AGBL4: variants seen among roughly 807,000 people sequenced by gnomAD.
The protein encoded by AGBL4 is cytosolic carboxypeptidase 6.
In AGBL4, 58 loss-of-function variants were observed where a neutral mutation model predicts 66.4. The ratio of observed to expected loss-of-function variants is 0.87; its 90% confidence interval spans 0.71 to 1.09. The LOEUF is 1.09. Among genes scored for constraint, AGBL4 ranks in the 50% least tolerant of loss-of-function variants. AGBL4 has a pLI of 0.00. For missense variants in AGBL4, 579 were observed against 631.0 expected, an observed-to-expected ratio of 0.92 and a Z score of 0.88; for synonymous variants, 234 against 222.9, an observed-to-expected ratio of 1.05 and a Z score of -0.44.
At chr1:49,169,070 C>T (rs1387825145) in intron 4 of AGBL4, among the ~76,000 whole-genome samples, 3 of 152,200 alleles carry the variant, frequency 2.0e-5, no homozygotes, top group African/African-American at 7.2e-5. Context: ...TTTTGTCTCA[C>T]TCTTGGTGCC....
chr1:49,783,977 T>C (rs1644394780), intron 2 of AGBL4, among the ~76,000 whole-genome samples: 2 of 152,006 alleles, frequency 1.3e-5, no homozygotes, highest in South Asian at 2.1e-4. Flanking sequence ...CTACAAAATA[T>C]TGTGAAAAGT....
chr1:49,725,851 T>C (rs1421305917), intron 2 of AGBL4, among the ~76,000 whole-genome samples: 1 of 151,962 alleles, frequency 6.6e-6, no homozygotes, highest in Non-Finnish European at 1.5e-5. Flanking sequence ...TAAGAATATA[T>C]ATCCTTACTA....
intron 5 of AGBL4, among the ~76,000 whole-genome samples, chr1:48,918,672 G>A (rs1340498065): frequency 6.6e-6 from 1 of 152,160 alleles, no homozygotes; most frequent in Non-Finnish European, 1.5e-5. Flanking sequence ...ACCGAAACCT[G>A]ACCATGCTGG....
chr1:49,174,108 A>G (rs976729015), intron 4 of AGBL4, among the ~76,000 whole-genome samples: 4 of 152,182 alleles, frequency 2.6e-5, no homozygotes, highest in Non-Finnish European at 4.4e-5. Flanking sequence ...AAGTTTTTCT[A>G]TATCAGAGGG....
chr1:49,864,831 G>A (rs1034416687), intron 1 of AGBL4, among the ~76,000 whole-genome samples: 5 of 152,124 alleles, frequency 3.3e-5, no homozygotes, highest in African/African-American at 7.2e-5. Flanking sequence ...TCATCACTGC[G>A]GCTGCCTGCT....
At chr1:49,544,550 C>T (rs1486500018) in intron 3 of AGBL4, among the ~76,000 whole-genome samples, 5 of 152,156 alleles carry the variant, frequency 3.3e-5, no homozygotes, top group Admixed American at 3.3e-4. Context: ...AAATATTTAT[C>T]AAGCACTAGC....
intron 6 of AGBL4, among the ~76,000 whole-genome samples, chr1:48,771,945 G>A (rs948915464): frequency 2.6e-5 from 4 of 152,230 alleles, no homozygotes; most frequent in African/African-American, 7.2e-5. Context: ...AAAGTTGAAT[G>A]AAAACTTAAA....
intron 5 of AGBL4, among the ~76,000 whole-genome samples, chr1:48,910,273 G>C (rs1269148918): frequency 6.6e-6 from 1 of 152,174 alleles, no homozygotes; most frequent in Admixed American, 6.5e-5. Context: ...GACGTGAAAT[G>C]CGACTGAACC....
intron 3 of AGBL4, among the ~76,000 whole-genome samples, chr1:49,642,051 A>G (rs911179821): frequency 6.4e-5 from 5 of 78,524 alleles, no homozygotes; most frequent in East Asian, 6.3e-4. Flanking sequence ...GAATTTTACG[A>G]ATAGAAAACT....
intron 3 of AGBL4, among the ~76,000 whole-genome samples, chr1:49,366,140 C>T (rs753341351): frequency 2.0e-5 from 3 of 152,024 alleles, no homozygotes; most frequent in Non-Finnish European, 2.9e-5. Flanking sequence ...TGCTTCTAGG[C>T]GATTTCCCCT....
At chr1:48,804,555 A>G (rs962919985) in intron 6 of AGBL4, among the ~76,000 whole-genome samples, 1 of 152,194 alleles carries the variant, frequency 6.6e-6, no homozygotes, top group Non-Finnish European at 1.5e-5. Context: ...CTGACCATCC[A>G]TAACTGACAA....
intron 2 of AGBL4, among the ~76,000 whole-genome samples, chr1:49,715,384 A>G (rs151203678): frequency 0.015 from 2,335 of 152,166 alleles, 23 homozygotes; most frequent in Non-Finnish European, 0.023. Context: ...ATTTGGGTTG[A>G]TTCCAAGTCT....
intron 3 of AGBL4, among the ~76,000 whole-genome samples, chr1:49,523,868 T>C (rs1650452043): frequency 6.6e-6 from 1 of 152,062 alleles, no homozygotes; most frequent in South Asian, 2.1e-4. Flanking sequence ...GTCTTTCCAA[T>C]ATCTATACCC....
chr1:48,631,695 C>T (rs1346457747), intron 9 of AGBL4, among the ~76,000 whole-genome samples: 6 of 152,046 alleles, frequency 3.9e-5, no homozygotes, highest in African/African-American at 9.7e-5. Flanking sequence ...CATCTGGCCT[C>T]GCATCATTTT....
At chr1:49,951,082 T>C (rs1172397529) in intron 1 of AGBL4, among the ~76,000 whole-genome samples, 1 of 151,536 alleles carries the variant, frequency 6.6e-6, no homozygotes, top group Non-Finnish European at 1.5e-5. Flanking sequence ...ATGGGGGGGA[T>C]AGAGGGGAAT....
chr1:49,128,145 T>C (rs1253113955), intron 4 of AGBL4, among the ~76,000 whole-genome samples: 1 of 152,006 alleles, frequency 6.6e-6, no homozygotes, highest in Admixed American at 6.6e-5. Context: ...ATGAAATTTC[T>C]AGAGATGAAA....
At chr1:48,704,123 A>C (rs320041) in intron 6 of AGBL4, among the ~76,000 whole-genome samples, 139,909 of 152,202 alleles carry the variant, frequency 0.92, 65,415 homozygotes, top group Non-Finnish European at 1. Context: ...TTATGTATCT[A>C]AGCATATCTA....
At chr1:49,938,274 C>T (rs1328666441) in intron 1 of AGBL4, among the ~76,000 whole-genome samples, 1 of 152,136 alleles carries the variant, frequency 6.6e-6, no homozygotes, top group Non-Finnish European at 1.5e-5. Flanking sequence ...TCGACACATA[C>T]ACCCTCCCAA....
chr1:48,753,822 T>G (rs1356692561), intron 6 of AGBL4, among the ~76,000 whole-genome samples: 2 of 152,258 alleles, frequency 1.3e-5, no homozygotes, highest in African/African-American at 4.8e-5. Flanking sequence ...TGTGAATTAC[T>G]GTTATTACTC....
Sources: allele counts gnomAD v4.1 joint callset (sites outside exome capture counted in the v4.1 genomes callset), GRCh38; gene constraint gnomAD v4.1.1; transcripts MANE v1.5; gene names NCBI Gene and HGNC (gene_info 2026-07-23, HGNC 2026-07-21).